Variants in EXOC5 observed in about 807,000 individuals in gnomAD.
The protein encoded by EXOC5 is SEC10-like 1.
Under a neutral mutation model 90.8 loss-of-function variants are expected in EXOC5, and 17 were observed. That is an observed-to-expected ratio of 0.19 (90% CI 0.13 to 0.28). EXOC5 has a LOEUF of 0.28. Ranked by LOEUF, EXOC5 falls within the 10% of genes least tolerant of loss-of-function variation. The probability of loss-of-function intolerance (pLI) is 1.00; values close to 1 mark genes in which losing one functional copy is unlikely to be tolerated. For missense variants in EXOC5, 569 were observed against 830.6 expected (o/e 0.69, Z 3.87); for synonymous variants, 260 against 270.0 (o/e 0.96, Z 0.36).
At chr14:57,218,473 C>A (rs1883034673) in intron 14 of EXOC5, among the ~76,000 whole-genome samples, 1 of 151,966 alleles carries the variant, frequency 6.6e-6, no homozygotes, top group Non-Finnish European at 1.5e-5. Context: ...GTAAATCATA[C>A]TATAAAATTT....
intron 15 of EXOC5, among the ~76,000 whole-genome samples, chr14:57,216,801 A>G (rs1416096708): frequency 1.3e-5 from 2 of 152,190 alleles, no homozygotes; most frequent in African/African-American, 2.4e-5. Flanking sequence ...GCATCAAACT[A>G]AAGAGCTTCC....
intron 5 of EXOC5, among the ~76,000 whole-genome samples, chr14:57,238,314 C>G (rs990879558): frequency 1.0e-4 from 13 of 126,900 alleles, no homozygotes; most frequent in Admixed American, 2.8e-4. Flanking sequence ...GGCCTCTTCA[C>G]CAAGCCTTGG....
At position 57,201,568 on chromosome 14, in the gene EXOC5, T is replaced by TTATATATATATA. The variant is rs71104542; in HGVS notation, c.*7029_*7040dup. ...ACATATATTTTTATATATATTAATA[T>TTATATATATATA]TATATATATATATATATATATATAT... On this transcript the variant is annotated 3_prime_UTR_variant, in exon 18 of 18. Coordinates refer to ENST00000621441, the MANE Select transcript of EXOC5 (RefSeq NM_006544.4). 1.6e-4 allele frequency: 15 copies of TTATATATATATA among 93,404 alleles called. No individual in the cohort carries two copies. The South Asian group carries it at 2.1e-3, about 13-fold the overall frequency. The allele number at this position is 93,404 out of a possible 1,614,324, so 5.8% of individuals were successfully genotyped here.
At chr14:57,235,486 A>T (rs74054211) in intron 7 of EXOC5, among the ~76,000 whole-genome samples, 5,040 of 151,952 alleles carry the variant, frequency 0.033, 270 homozygotes, top group African/African-American at 0.12. Flanking sequence ...TTGATCAATT[A>T]ATTTTAATTC....
rs923599954 is a variant in EXOC5 at position 57,206,149 on chromosome 14, C to T, written c.*2460G>A. On this transcript the variant is annotated 3_prime_UTR_variant, in exon 18 of 18. Transcript: ENST00000621441. ...CCTAAATACTGCATATTAGCTCATG[C>T]GGTATTGTGTAATACTGCAAAGACC... 5.4e-5 allele frequency: 20 copies of T among 369,260 alleles called. No homozygotes were observed. The highest frequency in any genetic ancestry group is 2.1e-4 in the South Asian group (10 of 48,380). 22.9% of individuals were successfully genotyped at this position (369,260 alleles called of 1,614,324 possible). A position where few individuals can be genotyped will look rare whatever the true frequency, so the allele number is the denominator to read the frequency against.
At chr14:57,237,564 G>A (rs1430181189) in intron 5 of EXOC5, 198 bp from the exon 6 acceptor site, 1 of 463,482 alleles carries the variant, frequency 2.2e-6, no homozygotes, top group Non-Finnish European at 3.9e-6. Flanking sequence ...AATCAGAGGA[G>A]AGAATTCTGA....
At position 57,201,482 on chromosome 14, in the gene EXOC5, GTA is replaced by G. The variant is rs1364971858; in HGVS notation, c.*7125_*7126del. The G allele has an allele frequency of 1.6e-5, 2 of 122,422 alleles. No homozygotes were observed. Among genetic ancestry groups the G allele is most frequent in the Non-Finnish European group, 3.1e-5 (2 of 65,018 alleles). 7.6% of individuals were successfully genotyped at this position (122,422 alleles called of 1,614,324 possible). A position where few individuals can be genotyped will look rare whatever the true frequency, so the allele number is the denominator to read the frequency against. ...CACGCGTGTATATGTACACACACGT[GTA>G]TAAACACACGTGTATATACACACAC... On this transcript the variant is annotated 3_prime_UTR_variant, in exon 18 of 18. Coordinates refer to ENST00000621441, the MANE Select transcript of EXOC5 (RefSeq NM_006544.4).
At chr14:57,226,407 G>A (rs906067109) in intron 12 of EXOC5, among the ~76,000 whole-genome samples, 1 of 152,090 alleles carries the variant, frequency 6.6e-6, no homozygotes, top group South Asian at 2.1e-4. Flanking sequence ...ATCTTAAAAA[G>A]ACCATTTACA....
chr14:57,268,104 GT>G (rs1008365089), intron 1 of EXOC5: 1 of 156,922 alleles, frequency 6.4e-6, no homozygotes, highest in Non-Finnish European at 1.4e-5. Flanking sequence ...CAAATGTCAG[GT>G]TAAACTGGCA....
chr14:57,215,223 C>T (rs1456386719), intron 15 of EXOC5, among the ~76,000 whole-genome samples: 1 of 150,852 alleles, frequency 6.6e-6, no homozygotes, highest in African/African-American at 2.5e-5. Flanking sequence ...CAGAGGGAGA[C>T]TCCGTCTCAA....
intron 17 of EXOC5, among the ~76,000 whole-genome samples, chr14:57,209,051 T>TA (rs1314062732): frequency 6.6e-6 from 1 of 152,188 alleles, no homozygotes; most frequent in East Asian, 1.9e-4. Flanking sequence ...TTCAGAGGAC[T>TA]AAAACTAGTT....
At chr14:57,249,245 C>G (rs866440677) in intron 1 of EXOC5, among the ~76,000 whole-genome samples, 1 of 151,974 alleles carries the variant, frequency 6.6e-6, no homozygotes, top group African/African-American at 2.4e-5. Flanking sequence ...AAGTAGTCAG[C>G]CCTTTCAAAA....
rs1884755285 is a variant in EXOC5 at position 57,268,326 on chromosome 14, G to A, written c.27+296C>T. 5 of 662,644 alleles carry A rather than the reference G, an allele frequency of 7.5e-6. No individual in the cohort carries two copies. In the South Asian group the frequency reaches 9.9e-5, roughly 13 times the overall value. 41.0% of individuals were successfully genotyped at this position (662,644 alleles called of 1,614,324 possible). Reference sequence around the variant, plus strand: ...CCGGAGTAGACATCTTCCAACACCCGAACCTTCCAGACTTTCCCTCTTGCC... The same window carrying A: ...CCGGAGTAGACATCTTCCAACACCCAAACCTTCCAGACTTTCCCTCTTGCC... On this transcript the variant is annotated intron_variant, in intron 1 of 17. Coordinates refer to ENST00000621441, the MANE Select transcript of EXOC5 (RefSeq NM_006544.4).
chr14:57,241,488 A>G (rs1883856313), intron 4 of EXOC5, among the ~76,000 whole-genome samples: 1 of 152,228 alleles, frequency 6.6e-6, no homozygotes, highest in African/African-American at 2.4e-5. Context: ...CTATGCTTCC[A>G]TAAGGAGTTT....
intron 1 of EXOC5, among the ~76,000 whole-genome samples, chr14:57,255,761 G>A (rs1182719449): frequency 6.6e-6 from 1 of 151,796 alleles, no homozygotes. Context: ...CAACCCAGGA[G>A]GGAGAAGTTG....
In EXOC5 at chr14:57,222,371, T is replaced by C. The variant is rs755096427; in HGVS notation, c.1342A>G (p.Thr448Ala). 1 of 1,603,610 alleles carries C rather than the reference T, an allele frequency of 6.2e-7. No homozygotes were observed. The highest frequency in any genetic ancestry group is 1.1e-5 in the South Asian group (1 of 89,066). The change falls in exon 13 of 18, where the codon ACC (threonine) becomes GCC (alanine). Residue 448 changes from threonine to alanine, a missense_variant. Physicochemically the swap from Thr to Ala is moderately conservative, Grantham distance 58. Around this residue, in one of 9 missense-constraint regions of EXOC5, gnomAD observed 56 missense variants for 51.1 expected, o/e 1.10. Coordinates refer to ENST00000621441, the MANE Select transcript of EXOC5 (RefSeq NM_006544.4). ...DLPRNAFRIF[T>A]ILVEFLCIEH... ...ATACATAAAAATTCCACAAGAATGGTAAAAATTCTGAAGGCATTCCTTGGT... is the reference window on the plus strand; with the variant it reads ...ATACATAAAAATTCCACAAGAATGGCAAAAATTCTGAAGGCATTCCTTGGT...
intron 1 of EXOC5, 34 bp from the exon 2 acceptor site, chr14:57,247,746 T>G: frequency 8.7e-7 from 1 of 1,144,078 alleles, no homozygotes; most frequent in Non-Finnish European, 1.2e-6. Context: ...TAACAAAGTT[T>G]CATATACAAG....
At chr14:57,249,539 G>C (rs548691007) in intron 1 of EXOC5, among the ~76,000 whole-genome samples, 12 of 152,046 alleles carry the variant, frequency 7.9e-5, no homozygotes, top group Non-Finnish European at 1.8e-4. Context: ...TGAAAATATA[G>C]TATTCCTTCA....
intron 12 of EXOC5, among the ~76,000 whole-genome samples, chr14:57,227,179 T>C (rs969725987): frequency 6.6e-6 from 1 of 152,020 alleles, no homozygotes; most frequent in African/African-American, 2.4e-5. Context: ...TGACGGCAAA[T>C]AAGCACATGA....
Sources: gnomAD v4.1 joint callset for allele counts (sites outside exome capture counted in the v4.1 genomes callset) on GRCh38, gnomAD v4.1.1 for gene constraint, gnomAD v4.1.1 regional missense constraint, MANE v1.5 for transcripts, NCBI Gene and HGNC (gene_info 2026-07-23, HGNC 2026-07-21) for gene names.